SAMD7: variants seen among roughly 807,000 people sequenced by gnomAD.
SAMD7 encodes sterile alpha motif domain-containing protein 7.
In SAMD7, 34 loss-of-function variants were observed where a neutral mutation model predicts 36.7. That is an observed-to-expected ratio of 0.93 (90% CI 0.71 to 1.23). The LOEUF (loss-of-function observed/expected upper bound fraction) is 1.23. Ranked by LOEUF, SAMD7 falls within the 50% of genes most tolerant of loss-of-function variation. The pLI is 0.00. For missense variants in SAMD7, 570 were observed against 546.6 expected (o/e 1.04, Z -0.43); for synonymous variants, 188 against 189.7 (o/e 0.99, Z 0.07).
intron 4 of SAMD7, among the ~76,000 whole-genome samples, chr3:169,924,518 T>C (rs1472273079): frequency 6.6e-6 from 1 of 151,732 alleles, no homozygotes. Context: ...ACCTGGGAGG[T>C]AGAGGTTGTA....
chr3:169,917,621 G>GTTTATTTA (rs1294880130), intron 2 of SAMD7, among the ~76,000 whole-genome samples: 24 of 97,122 alleles, frequency 2.5e-4, no homozygotes, highest in Admixed American at 6.8e-4. Flanking sequence ...ATTTTTATTT[G>GTTTATTTA]TTTGTTTATT....
chr3:169,920,778 T>G (rs1160198909), intron 3 of SAMD7, among the ~76,000 whole-genome samples: 7 of 152,136 alleles, frequency 4.6e-5, no homozygotes, highest in Non-Finnish European at 1.0e-4. Flanking sequence ...AAAGTGGAAC[T>G]TCTAGAGACC....
chr3:169,936,652 G>A (rs2108267199), intron 8 of SAMD7, among the ~76,000 whole-genome samples: 1 of 152,200 alleles, frequency 6.6e-6, no homozygotes, highest in Non-Finnish European at 1.5e-5. Flanking sequence ...TAACTGGGAA[G>A]ATGATAAGCA....
At chr3:169,936,173 GCT>G (rs1418701269) in intron 7 of SAMD7, among the ~76,000 whole-genome samples, 164 bp from the exon 8 acceptor site, 19 of 152,226 alleles carry the variant, frequency 1.2e-4, no homozygotes, top group Non-Finnish European at 2.6e-4. Context: ...CAAGCAATAT[GCT>G]ACTGAGCACA....
intron 7 of SAMD7, chr3:169,932,726 A>T: frequency 1.9e-6 from 1 of 537,602 alleles, no homozygotes; most frequent in South Asian, 1.5e-5. Flanking sequence ...GTGGGCCAGG[A>T]CTTACTGAAA....
At position 169,926,931 on chromosome 3, in the gene SAMD7, T is replaced by C. The variant is rs753686799; in HGVS notation, c.669T>C (p.Tyr223=). Residue 223 remains tyrosine (Y), a synonymous_variant, in exon 6 of 9, where the codon TAT becomes TAC. Transcript: ENST00000335556. ...THAVPYEEDH[Y]AKDPDIEAPS... is the part of the protein sequence containing the mutation. ...CAGTTCCCTATGAAGAGGATCATTA[T>C]GCAAAAGACCCAGACATTGAAGCAC... 12 of 1,613,890 alleles carry C rather than the reference T, an allele frequency of 7.4e-6. No individual in the cohort carries two copies. Among genetic ancestry groups the C allele is most frequent in the Middle Eastern group, 1.6e-4 (1 of 6,082 alleles).
intron 7 of SAMD7, among the ~76,000 whole-genome samples, chr3:169,936,004 A>G (rs911273975): frequency 1.3e-5 from 2 of 152,154 alleles, no homozygotes; most frequent in Admixed American, 6.5e-5. Context: ...TTATCCAGCA[A>G]TATTTATTGT....
chr3:169,927,214 T>C (rs747240913), intron 6 of SAMD7, 33 bp downstream of exon 6: 2 of 1,500,702 alleles, frequency 1.3e-6, no homozygotes, highest in African/African-American at 1.4e-5. Context: ...CAGATCCTCA[T>C]TAACTACAGG....
chr3:169,924,204 T>G (rs1465600251), intron 4 of SAMD7, among the ~76,000 whole-genome samples: 1 of 151,918 alleles, frequency 6.6e-6, no homozygotes, highest in Middle Eastern at 3.2e-3. Flanking sequence ...AAGAACCTCA[T>G]TTTTAAAAAA....
intron 7 of SAMD7, among the ~76,000 whole-genome samples, chr3:169,929,411 A>G (rs571429683): frequency 2.9e-4 from 44 of 152,300 alleles, no homozygotes; most frequent in African/African-American, 1.1e-3. Flanking sequence ...ACTAGAGCTG[A>G]TTATTTTCCA....
chr3:169,921,103 A>C, intron 3 of SAMD7, 111 bp from the exon 4 acceptor site: 1 of 930,312 alleles, frequency 1.1e-6, no homozygotes, highest in Non-Finnish European at 1.7e-6. Flanking sequence ...CATCTTGAGA[A>C]GAGATGATAG....
rs537059857 is a variant in SAMD7, at chr3:169,921,197, T to C, written c.87-17T>C. On this transcript the variant is annotated splice_polypyrimidine_tract_variant and intron_variant, in intron 3 of 8. Transcript: ENST00000335556. ...ACCTCATTTTACCTATTTTATTTTA[T>C]ATCTTTTTGTTCTCAGAGATGTATT... is the stretch of plus-strand genomic sequence containing the variant. 39 of 1,612,600 alleles carry C rather than the reference T, an allele frequency of 2.4e-5. No homozygotes were observed. In the East Asian group the frequency reaches 7.6e-4, roughly 31 times the overall value.
chr3:169,935,946 A>G (rs932853750), intron 7 of SAMD7, among the ~76,000 whole-genome samples: 1 of 152,218 alleles, frequency 6.6e-6, no homozygotes, highest in African/African-American at 2.4e-5. Context: ...TATCCATAAC[A>G]GGTTTTACCC....
intron 1 of SAMD7, among the ~76,000 whole-genome samples, chr3:169,915,063 CTTG>C (rs958725357): frequency 6.0e-4 from 91 of 152,306 alleles, no homozygotes; most frequent in Non-Finnish European, 5.1e-4. Flanking sequence ...ACCACAGGAG[CTTG>C]TTGTGTCTAG....
At position 169,938,543 on chromosome 3, in the gene SAMD7, T is replaced by C. The variant is rs1225409739; in HGVS notation, c.*37T>C. ...GAGGAAGAATAGTCTTAGCCAGTTT[T>C]CCAAAGAGCCTAGGATATTACAAAG... On this transcript the variant is annotated 3_prime_UTR_variant, in exon 9 of 9. Coordinates refer to ENST00000335556, the MANE Select transcript of SAMD7 (RefSeq NM_001304366.2). The C allele has an allele frequency of 1.5e-6, 2 of 1,340,210 alleles. No homozygotes were observed. The highest frequency in any genetic ancestry group is 2.5e-5 in the South Asian group (2 of 80,008). The allele number at this position is 1,340,210 out of a possible 1,614,324, so 83.0% of individuals were successfully genotyped here.
At chr3:169,931,327 T>C (rs1322697920) in intron 7 of SAMD7, among the ~76,000 whole-genome samples, 1 of 152,214 alleles carries the variant, frequency 6.6e-6, no homozygotes, top group African/African-American at 2.4e-5. Flanking sequence ...GGGACATGTA[T>C]GTGTCCTCGC....
At chr3:169,917,625 G>GTTTATTTATTTATTTATTTA (rs61311120) in intron 2 of SAMD7, among the ~76,000 whole-genome samples, 18 of 146,120 alleles carry the variant, frequency 1.2e-4, no homozygotes, top group East Asian at 1.2e-3. Context: ...TTATTTGTTT[G>GTTTATTTATTTATTTATTTA]TTTATTTATT....
chr3:169,921,060 T>C (rs1392333230), intron 3 of SAMD7, among the ~76,000 whole-genome samples, 154 bp from the exon 4 acceptor site: 1 of 152,246 alleles, frequency 6.6e-6, no homozygotes, highest in Admixed American at 6.5e-5. Flanking sequence ...TATTTCTCCA[T>C]AAATTCATAA....
chr3:169,916,500 T>C (rs926195134), intron 2 of SAMD7, among the ~76,000 whole-genome samples: 2 of 151,960 alleles, frequency 1.3e-5, no homozygotes, highest in Non-Finnish European at 2.9e-5. Flanking sequence ...ACAAAAAAAT[T>C]AGCCGAGCGT....
Sources: allele counts gnomAD v4.1 joint callset (sites outside exome capture counted in the v4.1 genomes callset), GRCh38; gene constraint gnomAD v4.1.1; transcripts MANE v1.5; gene names NCBI Gene and HGNC (gene_info 2026-07-23, HGNC 2026-07-21).